Variants in ZNF385D observed in about 807,000 individuals in gnomAD.
ZNF385D encodes the protein zinc finger protein 385D, also known as zinc finger protein 659.
In ZNF385D, 15 loss-of-function variants were observed where a neutral mutation model predicts 35.8. The ratio of observed to expected loss-of-function variants is 0.42; its 90% CI spans 0.28 to 0.64. ZNF385D has a LOEUF of 0.64. ZNF385D is among the 30% of genes least tolerant of loss of function. ZNF385D has a pLI of 0.23. For missense variants in ZNF385D, 474 were observed against 494.6 expected, an observed-to-expected ratio of 0.96 and a Z score of 0.39; for synonymous variants, 212 against 186.8, an observed-to-expected ratio of 1.13 and a Z score of -1.10.
chr3:22,007,975 T>C (rs1301869231), intron 3 of ZNF385D, among the ~76,000 whole-genome samples: 2 of 152,058 alleles, frequency 1.3e-5, no homozygotes, highest in East Asian at 1.9e-4. Context: ...ACAAATGAGT[T>C]GAGCCATCTT....
intron 2 of ZNF385D, among the ~76,000 whole-genome samples, chr3:22,370,409 C>G (rs914124625): frequency 6.6e-6 from 1 of 152,166 alleles, no homozygotes; most frequent in Non-Finnish European, 1.5e-5. Flanking sequence ...TCTGCCCTCT[C>G]TAAAGCTGGC....
At chr3:21,614,664 C>T (rs1484898390) in intron 2 of ZNF385D, among the ~76,000 whole-genome samples, 1 of 152,226 alleles carries the variant, frequency 6.6e-6, no homozygotes, top group Non-Finnish European at 1.5e-5. Flanking sequence ...TCTCGGCTCA[C>T]TACAACCTCT....
At chr3:21,664,587 A>C (rs537616329) in intron 2 of ZNF385D, among the ~76,000 whole-genome samples, 3 of 152,324 alleles carry the variant, frequency 2.0e-5, no homozygotes, top group Admixed American at 2.0e-4. Flanking sequence ...ACATTGTTTC[A>C]ATATGGATGT....
chr3:22,167,584 C>T (rs1343994106), intron 3 of ZNF385D, among the ~76,000 whole-genome samples: 2 of 152,160 alleles, frequency 1.3e-5, no homozygotes, highest in Admixed American at 6.5e-5. Flanking sequence ...GCCCTCTGCC[C>T]TCTAATAAGC....
At chr3:22,367,560 G>A (rs1021830638) in intron 2 of ZNF385D, among the ~76,000 whole-genome samples, 8 of 151,588 alleles carry the variant, frequency 5.3e-5, no homozygotes, top group Non-Finnish European at 4.4e-5. Flanking sequence ...CTAACTTCTG[G>A]AAGTTGTACT....
chr3:22,018,736 G>A (rs918760991), intron 3 of ZNF385D, among the ~76,000 whole-genome samples: 1 of 151,732 alleles, frequency 6.6e-6, no homozygotes, highest in Non-Finnish European at 1.5e-5. Context: ...TTTTAGCTTG[G>A]GTTATATTTT....
chr3:21,609,892 G>T (rs2064614067), intron 2 of ZNF385D, among the ~76,000 whole-genome samples: 1 of 152,172 alleles, frequency 6.6e-6, no homozygotes, highest in Admixed American at 6.5e-5. Context: ...GGAAAAGAGA[G>T]TCCTGATGGG....
intron 2 of ZNF385D, among the ~76,000 whole-genome samples, chr3:22,312,651 G>A (rs964476139): frequency 6.6e-6 from 1 of 152,088 alleles, no homozygotes; most frequent in African/African-American, 2.4e-5. Flanking sequence ...ACATGAAAAA[G>A]TGCTCATTAT....
At chr3:22,168,857 T>C in exon 3 of ZNF385D, 1 of 985,892 alleles carries the variant, frequency 1.0e-6, no homozygotes, top group Non-Finnish European at 1.2e-6. Flanking sequence ...GTTGTTTTAA[T>C]CTCTTTTGAT....
intron 1 of ZNF385D, among the ~76,000 whole-genome samples, chr3:21,707,760 A>C (rs2067960987): frequency 6.6e-6 from 1 of 152,224 alleles, no homozygotes; most frequent in Admixed American, 6.5e-5. Context: ...GCTCTTGGTT[A>C]ATATTTCCAA....
At chr3:21,800,412 T>C (rs11129023) in intron 3 of ZNF385D, among the ~76,000 whole-genome samples, 24,999 of 152,174 alleles carry the variant, frequency 0.16, 2,206 homozygotes, top group Non-Finnish European at 0.19. Context: ...AAGTCTTCTT[T>C]AAATTTTAGC....
chr3:22,234,307 G>T (rs1005609612), intron 2 of ZNF385D, among the ~76,000 whole-genome samples: 9 of 152,028 alleles, frequency 5.9e-5, no homozygotes, highest in African/African-American at 2.2e-4. Flanking sequence ...TGTGGTGATT[G>T]CTTCATCCAG....
intron 2 of ZNF385D, among the ~76,000 whole-genome samples, chr3:21,623,395 T>C (rs529647551): frequency 1.2e-4 from 18 of 152,188 alleles, no homozygotes; most frequent in African/African-American, 4.3e-4. Context: ...TTAATCCTAG[T>C]GCTTTGGGAG....
intron 3 of ZNF385D, among the ~76,000 whole-genome samples, chr3:22,120,916 C>G (rs536314062): frequency 1.2e-3 from 186 of 152,236 alleles, no homozygotes; most frequent in Non-Finnish European, 2.0e-3. Context: ...TTGAGACCAT[C>G]TTCTTTACAC....
Position 22,280,395 on chromosome 3 carries a change from G to C in ZNF385D, c.106+92055C>G, listed in dbSNP as rs1362645271. Among the ~76,000 whole-genome samples the C allele has an allele frequency of 3.3e-5, 5 of 149,698 alleles. No individual in the cohort carries two copies. The East Asian group carries it at 9.8e-4, about 29-fold the overall frequency. On this transcript the variant is annotated intron_variant, in intron 2 of 5. Coordinates refer to the ZNF385D transcript ENST00000494108. Reference sequence around the variant, plus strand: ...TTTTTTTTTTTACTGTTATCTGATAGAATTCTTATGGTTTCAGATCTTAAA... The same window carrying C: ...TTTTTTTTTTTACTGTTATCTGATACAATTCTTATGGTTTCAGATCTTAAA...
At chr3:21,684,325 A>G (rs1485108584) in intron 1 of ZNF385D, among the ~76,000 whole-genome samples, 1 of 139,856 alleles carries the variant, frequency 7.2e-6, no homozygotes, top group East Asian at 2.2e-4. Flanking sequence ...TATGTTTGAC[A>G]AACTTCACCA....
intron 3 of ZNF385D, among the ~76,000 whole-genome samples, chr3:21,543,475 C>T (rs1475760712): frequency 2.0e-5 from 3 of 152,168 alleles, no homozygotes; most frequent in African/African-American, 4.8e-5. Context: ...AGCCGCTCCC[C>T]ACTCCTTGCG....
At chr3:21,782,325 G>T (rs1028171193) in intron 3 of ZNF385D, among the ~76,000 whole-genome samples, 1 of 152,098 alleles carries the variant, frequency 6.6e-6, no homozygotes, top group Non-Finnish European at 1.5e-5. Flanking sequence ...GTTTAGAACT[G>T]AGGGAAATGA....
At chr3:21,785,926 G>T (rs1031484685) in intron 3 of ZNF385D, among the ~76,000 whole-genome samples, 1 of 152,090 alleles carries the variant, frequency 6.6e-6, no homozygotes, top group African/African-American at 2.4e-5. Context: ...CATAGAGGCT[G>T]CACTGGCAAC....
Sources: allele counts gnomAD v4.1 joint callset (sites outside exome capture counted in the v4.1 genomes callset), GRCh38; gene constraint gnomAD v4.1.1; transcripts MANE v1.5; gene names NCBI Gene and HGNC (gene_info 2026-07-23, HGNC 2026-07-21).